The following C2CD5 variants were observed in gnomAD, a reference collection of about 807,000 sequenced individuals.
The protein encoded by C2CD5 is C2 calcium dependent domain containing 5.
C2CD5 carries 109 observed loss-of-function variants against 130.3 expected under a neutral mutation model. That is an observed-to-expected ratio of 0.84 (90% CI 0.72 to 0.98). The LOEUF (loss-of-function observed/expected upper bound fraction) is 0.98. Among genes scored for constraint, C2CD5 ranks in the 50% least tolerant of loss-of-function variants. C2CD5 has a pLI of 0.00. For missense variants in C2CD5, 996 were observed against 1,261.8 expected, an observed-to-expected ratio of 0.79 and a Z score of 3.19; for synonymous variants, 454 against 429.2, an observed-to-expected ratio of 1.06 and a Z score of -0.71.
intron 12 of C2CD5, among the ~76,000 whole-genome samples, chr12:22,488,650 C>T (rs1945916695): frequency 6.6e-6 from 1 of 151,988 alleles, no homozygotes; most frequent in Non-Finnish European, 1.5e-5. Context: ...AAGAGAGTTT[C>T]CTCAATAGAA....
At chr12:22,528,483 A>T (rs949826148) in intron 3 of C2CD5, among the ~76,000 whole-genome samples, 2 of 152,192 alleles carry the variant, frequency 1.3e-5, no homozygotes, top group Non-Finnish European at 2.9e-5. Flanking sequence ...ACAGTGCAAA[A>T]TGATTTCCTC....
At chr12:22,457,258 T>C in intron 24 of C2CD5, 97 bp from the exon 25 acceptor site, 1 of 728,876 alleles carries the variant, frequency 1.4e-6, no homozygotes, top group Non-Finnish European at 2.2e-6. Flanking sequence ...CATTCAGCTG[T>C]CTGTGAGGCT....
rs772566237 is a variant in C2CD5 at position 22,478,317 on chromosome 12, G to A, written c.1898C>T (p.Pro633Leu). 2.5e-6 allele frequency: 4 copies of A among 1,608,180 alleles called. No individual in the cohort carries two copies. Among genetic ancestry groups the A allele is most frequent in the Non-Finnish European group, 3.4e-6 (4 of 1,175,112 alleles). The change falls in exon 15 of 27, where the codon CCT becomes CTT. Residue 633 changes from proline (P) to leucine (L), a missense_variant. Pro to Leu is a moderately conservative substitution (Grantham distance 98, BLOSUM62 -3). Transcript: ENST00000446597. ...AKNKELYEIN[P>L]PEISEEIIGS... ...ATGTAGGTTTGTTTTACTTACTGGA[G>A]GATTGATTTCATATAACTCTTTGTT...
intron 22 of C2CD5, among the ~76,000 whole-genome samples, chr12:22,466,545 C>T (rs1369992109): frequency 1.3e-5 from 2 of 152,094 alleles, no homozygotes; most frequent in African/African-American, 2.4e-5. Flanking sequence ...CACGCAATTA[C>T]TCCATTTTTA....
intron 10 of C2CD5, among the ~76,000 whole-genome samples, chr12:22,494,329 C>A (rs1946739297): frequency 6.6e-6 from 1 of 151,884 alleles, no homozygotes; most frequent in South Asian, 2.1e-4. Context: ...CATATAAAAG[C>A]CACTATTAAA....
chr12:22,456,358 T>A (rs557843965), intron 25 of C2CD5, among the ~76,000 whole-genome samples: 1 of 152,204 alleles, frequency 6.6e-6, no homozygotes, highest in African/African-American at 2.4e-5. Context: ...GTAATTTTTT[T>A]AAGTTTAAAT....
intron 22 of C2CD5, chr12:22,463,613 T>C (rs932153157): frequency 1.3e-5 from 2 of 152,206 alleles, no homozygotes; most frequent in African/African-American, 4.8e-5. Context: ...CTGTTCTTTA[T>C]AAATTACACG....
intron 10 of C2CD5, among the ~76,000 whole-genome samples, chr12:22,502,443 AAC>A (rs1205265238): frequency 6.6e-6 from 1 of 152,154 alleles, no homozygotes; most frequent in East Asian, 1.9e-4. Flanking sequence ...TGATATAGAA[AAC>A]CATCCAAAAT....
chr12:22,475,243 A>G (rs1241101653), intron 15 of C2CD5, among the ~76,000 whole-genome samples: 1 of 152,172 alleles, frequency 6.6e-6, no homozygotes, highest in Non-Finnish European at 1.5e-5. Context: ...AAAAGTCCTA[A>G]TAGGCCTTAA....
intron 12 of C2CD5, among the ~76,000 whole-genome samples, chr12:22,486,883 C>A (rs971043798): frequency 6.6e-6 from 1 of 151,948 alleles, no homozygotes; most frequent in African/African-American, 2.4e-5. Flanking sequence ...GACAACAGAG[C>A]CCTCAGAAAT....
At chr12:22,494,861 G>C (rs1265920582) in intron 10 of C2CD5, among the ~76,000 whole-genome samples, 1 of 151,960 alleles carries the variant, frequency 6.6e-6, no homozygotes, top group Non-Finnish European at 1.5e-5. Context: ...AATGTATATA[G>C]TAACAGCAAA....
intron 24 of C2CD5, 112 bp from the exon 25 acceptor site, chr12:22,457,273 C>A: frequency 3.2e-6 from 2 of 626,058 alleles, no homozygotes. Context: ...GAGGCTAAGC[C>A]ATGTCATGAA....
chr12:22,502,954 TAGAA>T (rs1260117158), intron 10 of C2CD5: 2 of 574,222 alleles, frequency 3.5e-6, no homozygotes, highest in Non-Finnish European at 3.1e-6. Context: ...GAAGTAGAAA[TAGAA>T]AGGGGGAAAG....
intron 14 of C2CD5, among the ~76,000 whole-genome samples, chr12:22,479,748 G>C (rs1944435730): frequency 6.6e-6 from 1 of 151,864 alleles, no homozygotes; most frequent in African/African-American, 2.4e-5. Flanking sequence ...TATTTCATTA[G>C]TACTGGAAAA....
chr12:22,458,250 G>C (rs1001488473), intron 24 of C2CD5, among the ~76,000 whole-genome samples: 2 of 152,068 alleles, frequency 1.3e-5, no homozygotes, highest in African/African-American at 4.8e-5. Context: ...ATACTTTTAA[G>C]AATACCTGCA....
intron 10 of C2CD5, among the ~76,000 whole-genome samples, chr12:22,504,148 C>G (rs994244993): frequency 2.0e-5 from 3 of 151,852 alleles, no homozygotes; most frequent in African/African-American, 4.8e-5. Flanking sequence ...ATAAAATAAA[C>G]CCCAAAATGC....
chr12:22,507,495 T>C (rs560820349), intron 9 of C2CD5, among the ~76,000 whole-genome samples: 15 of 152,306 alleles, frequency 9.8e-5, no homozygotes, highest in Admixed American at 5.2e-4. Context: ...CACAAGTTCT[T>C]GCAAGCTTTA....
chr12:22,509,634 T>C (rs1166592231), intron 9 of C2CD5, among the ~76,000 whole-genome samples: 1 of 152,242 alleles, frequency 6.6e-6, no homozygotes. Context: ...CTGAAATCTA[T>C]AGCAGATTGT....
intron 10 of C2CD5, among the ~76,000 whole-genome samples, chr12:22,495,598 G>A (rs570060990): frequency 6.6e-6 from 1 of 151,594 alleles, no homozygotes; most frequent in East Asian, 1.9e-4. Flanking sequence ...CGCAAGTGGA[G>A]CATTCATATT....
Sources: gnomAD v4.1 joint callset for allele counts (sites outside exome capture counted in the v4.1 genomes callset) on GRCh38, gnomAD v4.1.1 for gene constraint, MANE v1.5 for transcripts, NCBI Gene and HGNC (gene_info 2026-07-23, HGNC 2026-07-21) for gene names.